Variants in CSNK2B observed in about 807,000 individuals in gnomAD.
CSNK2B encodes casein kinase II subunit beta.
In CSNK2B, 2 loss-of-function variants were observed where a neutral mutation model predicts 28.8. That is an observed-to-expected ratio of 0.07 (90% CI 0.03 to 0.22). CSNK2B has a LOEUF of 0.22. Ranked by LOEUF, CSNK2B falls within the 10% of genes least tolerant of loss-of-function variation. CSNK2B has a pLI of 1.00. For missense variants in CSNK2B, 107 were observed against 277.9 expected, an observed-to-expected ratio of 0.39 and a Z score of 4.37; for synonymous variants, 89 against 96.1, an observed-to-expected ratio of 0.93 and a Z score of 0.43.
rs757234583 is a variant in CSNK2B, at chr6:31,666,931, C to A, written c.72+28C>A. On this transcript the variant is annotated intron_variant, in intron 2 of 6. Coordinates refer to ENST00000375882, the MANE Select transcript of CSNK2B (RefSeq NM_001320.7). ...GAGTTCTCTTCAACCTCCCTACTTG[C>A]CAGCTTCACATATCTTCCCACCAGA... 4.5e-6 allele frequency: 7 copies of A among 1,551,356 alleles called. No individual in the cohort carries two copies. The East Asian group carries it at 1.6e-4, about 35-fold the overall frequency.
chr6:31,668,109 T>A (rs1347833230), intron 3 of CSNK2B, 139 bp downstream of exon 3: 1 of 709,990 alleles, frequency 1.4e-6, no homozygotes, highest in Non-Finnish European at 2.6e-6. Context: ...ATTTTGATCC[T>A]CCACCTGACT....
Position 31,669,958 on chromosome 6 carries a change from CT to C in CSNK2B, c.*36del. The C allele has an allele frequency of 6.4e-7, 1 of 1,569,656 alleles. No homozygotes were observed. Among genetic ancestry groups the C allele is most frequent in the South Asian group, 1.1e-5 (1 of 87,358 alleles). ...CCCCCACCTGTCCTGCAGTCTTTGACTTTTCCTTTCTTTTTTGCCACCCTTT... is the reference window on the plus strand; with the variant it reads ...CCCCCACCTGTCCTGCAGTCTTTGACTTTCCTTTCTTTTTTGCCACCCTTT... On this transcript the variant is annotated 3_prime_UTR_variant, in exon 7 of 7. Transcript: ENST00000375882. The surrounding 1 kb of genome is among the most constrained non-coding windows in gnomAD (Gnocchi z 4.8).
rs1033125283 is a variant in CSNK2B at position 31,669,934 on chromosome 6, C to T, written c.*8C>T. 2 of 1,610,766 alleles carry T rather than the reference C, an allele frequency of 1.2e-6. No individual in the cohort carries two copies. The highest frequency in any genetic ancestry group is 1.7e-5 in the Admixed American group (1 of 59,736). On this transcript the variant is annotated 3_prime_UTR_variant, in exon 7 of 7. Coordinates refer to ENST00000375882, the MANE Select transcript of CSNK2B (RefSeq NM_001320.7). This position sits in a 1 kb window ranked among gnomAD's most constrained non-coding sequence, Gnocchi z 4.8. ...GTCAAGACGATTCGCTGATTCCCTC[C>T]CCCACCTGTCCTGCAGTCTTTGACT...
chr6:31,669,917 G>A lies in CSNK2B; in HGVS notation c.639G>A (p.Thr213=), dbSNP rs144120994. 9 of 1,612,450 alleles carry A rather than the reference G, an allele frequency of 5.6e-6. No homozygotes were observed. Among genetic ancestry groups the A allele is most frequent in the Middle Eastern group, 1.7e-4 (1 of 6,060 alleles). The change falls in exon 7 of 7, where the codon ACG becomes ACA. Residue 213 remains threonine, a synonymous_variant. Coordinates refer to ENST00000375882, the MANE Select transcript of CSNK2B (RefSeq NM_001320.7). This position sits in a 1 kb window ranked among gnomAD's most constrained non-coding sequence, Gnocchi z 4.8. ...AASNFKSPVK[T]IR Reference sequence around the variant, plus strand: ...GCAACTTCAAGAGCCCAGTCAAGACGATTCGCTGATTCCCTCCCCCACCTG... The same window carrying A: ...GCAACTTCAAGAGCCCAGTCAAGACAATTCGCTGATTCCCTCCCCCACCTG...
chr6:31,668,709 C>T (rs1562051270), intron 4 of CSNK2B, 55 bp downstream of exon 4: 3 of 1,498,152 alleles, frequency 2.0e-6, no homozygotes, highest in Admixed American at 1.7e-5. Flanking sequence ...GACACAGGTT[C>T]CTGCAGCAAG....
chr6:31,666,155 C>G lies in CSNK2B; in HGVS notation c.-65C>G. 1 of 991,436 alleles carries G rather than the reference C, an allele frequency of 1.0e-6. No homozygotes were observed. Among genetic ancestry groups the G allele is most frequent in the Non-Finnish European group, 1.2e-6 (1 of 832,722 alleles). 61.4% of individuals were successfully genotyped at this position (991,436 alleles called of 1,614,324 possible). A position where few individuals can be genotyped will look rare whatever the true frequency, so the allele number is the denominator to read the frequency against. On this transcript the variant is annotated 5_prime_UTR_variant, in exon 1 of 7. Transcript: ENST00000375882. ...CTGCGCTGTAGCGGTCGCCGCCGTT[C>G]CCTGGAAGTAGCAACTTCCCTACCC...
intron 3 of CSNK2B, chr6:31,668,292 TGAG>T (rs941895016): frequency 1.7e-6 from 1 of 601,242 alleles, no homozygotes; most frequent in Non-Finnish European, 2.9e-6. Flanking sequence ...AGTTATGTAT[TGAG>T]GAGGGAGTTG....
rs1260141535 is a variant in CSNK2B, at chr6:31,669,875, G to A, written c.597G>A (p.Leu199=). 1 of 1,612,858 alleles carries A rather than the reference G, an allele frequency of 6.2e-7. No homozygotes were observed. Among genetic ancestry groups the A allele is most frequent in the African/African-American group, 1.3e-5 (1 of 74,918 alleles). Residue 199 remains leucine (L), a synonymous_variant, in exon 7 of 7, where the codon CTG becomes CTA. Transcript: ENST00000375882. This position sits in a 1 kb window ranked among gnomAD's most constrained non-coding sequence, Gnocchi z 4.8. ...AGATCCATCCGATGGCCTACCAGCT[G>A]CAGCTCCAAGCCGCCAGCAACTTCA... The part of the protein sequence containing the change: ...GFKIHPMAYQ[L]QLQAASNFKS...
rs879183950 is a variant in CSNK2B at position 31,669,618 on chromosome 6, G to A, written c.557+110G>A. 1 of 1,221,658 alleles carries A rather than the reference G, an allele frequency of 8.2e-7. No homozygotes were observed. The highest frequency in any genetic ancestry group is 2.1e-5 in the Admixed American group (1 of 46,600). The allele number at this position is 1,221,658 out of a possible 1,614,324, so 75.7% of individuals were successfully genotyped here. A position where few individuals can be genotyped will look rare whatever the true frequency, so the allele number is the denominator to read the frequency against. ...GAGGTCTGCTTCTCCCAGAATCAGG[G>A]CATCTCCCTGCTGAGTGACTGTGGG... On this transcript the variant is annotated intron_variant, in intron 6 of 6. Transcript: ENST00000375882. This position sits in a 1 kb window ranked among gnomAD's most constrained non-coding sequence, Gnocchi z 4.8.
intron 4 of CSNK2B, 149 bp downstream of exon 4, chr6:31,668,803 A>G: frequency 1.4e-6 from 1 of 699,052 alleles, no homozygotes; most frequent in African/African-American, 1.8e-5. Flanking sequence ...TTGAATTCTG[A>G]TTGGGGGTCA....
chr6:31,668,662 C>A lies in CSNK2B; in HGVS notation c.291+8C>A, dbSNP rs754265643. 3.7e-6 allele frequency: 6 copies of A among 1,608,576 alleles called. No individual in the cohort carries two copies. In the Admixed American group the frequency reaches 1.0e-4, roughly 27 times the overall value. On this transcript the variant is annotated splice_region_variant and intron_variant, in intron 4 of 6. Transcript: ENST00000375882. The stretch of plus-strand genomic sequence containing the variant: ...CGTGGCATCGCCCAGATGGTGAGGC[C>A]TCTCTGCTCCTACCTGCCTCCTTCT...
Position 31,666,137 on chromosome 6 carries a change from G to A in CSNK2B, c.-83G>A, listed in dbSNP as rs1451324276. On this transcript the variant is annotated 5_prime_UTR_variant, in exon 1 of 7. Coordinates refer to ENST00000375882, the MANE Select transcript of CSNK2B (RefSeq NM_001320.7). ...CGCGGTCGGGTCCGCGGCCTGCGCT[G>A]TAGCGGTCGCCGCCGTTCCCTGGAA... 4 of 993,028 alleles carry A rather than the reference G, an allele frequency of 4.0e-6. No individual in the cohort carries two copies. The African/African-American group carries it at 5.2e-5, about 13-fold the overall frequency. The allele number at this position is 993,028 out of a possible 1,614,324, so 61.5% of individuals were successfully genotyped here.
intron 4 of CSNK2B, 134 bp downstream of exon 4, chr6:31,668,788 G>A: frequency 1.3e-6 from 1 of 787,982 alleles, no homozygotes; most frequent in Non-Finnish European, 2.1e-6. Context: ...ACTTGGGCCT[G>A]GGAATTGAAT....
rs1801651512 is a variant in CSNK2B, at chr6:31,666,085, C to T, written c.-135C>T. On this transcript the variant is annotated 5_prime_UTR_variant, in exon 1 of 7. Coordinates refer to ENST00000375882, the MANE Select transcript of CSNK2B (RefSeq NM_001320.7). ...CCCTCTTCCCCACCCTCCCTAATTT[C>T]CACTCCCCCCACCCCACTTCGCCTG... is the stretch of plus-strand genomic sequence containing the variant. 7 of 982,198 alleles carry T rather than the reference C, an allele frequency of 7.1e-6. No individual in the cohort carries two copies. The highest frequency in any genetic ancestry group is 8.5e-6 in the Non-Finnish European group (7 of 824,216). The allele number at this position is 982,198 out of a possible 1,614,324, so 60.8% of individuals were successfully genotyped here.
In CSNK2B at chr6:31,666,091, C is replaced by T. The variant is rs1189883455; in HGVS notation, c.-129C>T. 4 of 993,158 alleles carry T rather than the reference C, an allele frequency of 4.0e-6. No homozygotes were observed. Among genetic ancestry groups the T allele is most frequent in the Middle Eastern group, 5.2e-4 (1 of 1,926 alleles). 61.5% of individuals were successfully genotyped at this position (993,158 alleles called of 1,614,324 possible). On this transcript the variant is annotated 5_prime_UTR_variant, in exon 1 of 7. Coordinates refer to ENST00000375882, the MANE Select transcript of CSNK2B (RefSeq NM_001320.7). Reference sequence around the variant, plus strand: ...TCCCCACCCTCCCTAATTTCCACTCCCCCCACCCCACTTCGCCTGCCGCGG... The same window carrying T: ...TCCCCACCCTCCCTAATTTCCACTCTCCCCACCCCACTTCGCCTGCCGCGG...
At chr6:31,667,691 T>A (rs1801872756) in intron 2 of CSNK2B, among the ~76,000 whole-genome samples, 177 bp from the exon 3 acceptor site, 1 of 152,216 alleles carries the variant, frequency 6.6e-6, no homozygotes, top group African/African-American at 2.4e-5. Context: ...AAAGCTTTTA[T>A]GGGAGAGAGT....
Position 31,669,969 on chromosome 6 carries a change from T to A in CSNK2B, c.*43T>A. 1 of 1,537,560 alleles carries A rather than the reference T, an allele frequency of 6.5e-7. No individual in the cohort carries two copies. Among genetic ancestry groups the A allele is most frequent in the Non-Finnish European group, 8.9e-7 (1 of 1,125,408 alleles). ...CCTGCAGTCTTTGACTTTTCCTTTCTTTTTTGCCACCCTTTCAGGAACCCT... is the reference window on the plus strand; with the variant it reads ...CCTGCAGTCTTTGACTTTTCCTTTCATTTTTGCCACCCTTTCAGGAACCCT... On this transcript the variant is annotated 3_prime_UTR_variant, in exon 7 of 7. Transcript: ENST00000375882. The surrounding 1 kb of genome is among the most constrained non-coding windows in gnomAD (Gnocchi z 4.8).
chr6:31,667,973 G>A lies in CSNK2B; in HGVS notation c.175+3G>A. 1.9e-6 allele frequency: 3 copies of A among 1,596,952 alleles called. No individual in the cohort carries two copies. The highest frequency in any genetic ancestry group is 2.6e-6 in the Non-Finnish European group (3 of 1,166,456). ...CATGATCTTGGACCTGGAGCCTGGTGAGGCACCCTCAGGGTTGTTTTGTGT... is the reference window on the plus strand; with the variant it reads ...CATGATCTTGGACCTGGAGCCTGGTAAGGCACCCTCAGGGTTGTTTTGTGT... On this transcript the variant is annotated splice_donor_region_variant and intron_variant, in intron 3 of 6. Coordinates refer to ENST00000375882, the MANE Select transcript of CSNK2B (RefSeq NM_001320.7).
intron 3 of CSNK2B, chr6:31,668,337 G>A (rs1801942379): frequency 8.3e-6 from 5 of 605,220 alleles, no homozygotes; most frequent in Non-Finnish European, 1.5e-5. Flanking sequence ...GGCTGAAAAG[G>A]TGTGAAGGGA....
Sources: allele counts gnomAD v4.1 joint callset (sites outside exome capture counted in the v4.1 genomes callset), GRCh38; gene constraint gnomAD v4.1.1; non-coding constraint Gnocchi (gnomAD v3.1); transcripts MANE v1.5; gene names NCBI Gene and HGNC (gene_info 2026-07-23, HGNC 2026-07-21).